Variants in WDHD1 observed in about 807,000 individuals in gnomAD.
WDHD1 encodes the protein WD repeat and HMG-box DNA-binding protein 1.
In WDHD1, 111 loss-of-function variants were observed where a neutral mutation model predicts 135.4. The ratio of observed to expected loss-of-function variants is 0.82; its 90% confidence interval spans 0.70 to 0.96. The LOEUF (loss-of-function observed/expected upper bound fraction) is 0.96. Among genes scored for constraint, WDHD1 ranks in the 40% least tolerant of loss-of-function variants. WDHD1 has a pLI of 0.00. For missense variants in WDHD1, 1,351 were observed against 1,336.3 expected (o/e 1.01, Z -0.17); for synonymous variants, 434 against 439.0 (o/e 0.99, Z 0.14).
rs904002557 is a variant in WDHD1 at position 54,966,753 on chromosome 14, G to A, written c.2179-147C>T. ...AGTTTATTTTACAATTTAAATTCTA[G>A]TGTGATACTACAGCTTAACTTTTTC... On this transcript the variant is annotated intron_variant, in intron 17 of 25. Transcript: ENST00000360586. The A allele has an allele frequency of 4.1e-6, 4 of 982,046 alleles. No individual in the cohort carries two copies. The African/African-American group carries it at 5.1e-5, about 12-fold the overall frequency. The allele number at this position is 982,046 out of a possible 1,614,324, so 60.8% of individuals were successfully genotyped here. A position where few individuals can be genotyped will look rare whatever the true frequency, so the allele number is the denominator to read the frequency against.
chr14:55,011,322 G>A (rs1281956921), intron 3 of WDHD1, among the ~76,000 whole-genome samples: 1 of 152,038 alleles, frequency 6.6e-6, no homozygotes, highest in East Asian at 1.9e-4. Context: ...GTGAGGTCAG[G>A]AGTTCGAGAC....
intron 2 of WDHD1, among the ~76,000 whole-genome samples, chr14:55,021,441 G>C (rs959272725): frequency 5.4e-4 from 74 of 137,810 alleles, no homozygotes; most frequent in Non-Finnish European, 9.7e-4. Flanking sequence ...GTTTTGCTTT[G>C]TTGGCCAGCC....
At chr14:55,005,473 G>A (rs2042050525) in intron 7 of WDHD1, 2 of 565,526 alleles carry the variant, frequency 3.5e-6, no homozygotes, top group Admixed American at 3.9e-5. Context: ...CACTGACATT[G>A]AAAGAGTTTT....
intron 21 of WDHD1, among the ~76,000 whole-genome samples, chr14:54,958,110 C>T (rs775267826): frequency 5.6e-4 from 85 of 151,754 alleles, no homozygotes; most frequent in Non-Finnish European, 9.9e-4. Flanking sequence ...CATTTTCTCT[C>T]GCCTCCTCCA....
chr14:54,946,185 A>C (rs956809407), intron 24 of WDHD1, among the ~76,000 whole-genome samples: 10 of 152,186 alleles, frequency 6.6e-5, no homozygotes, highest in Non-Finnish European at 1.2e-4. Context: ...CTAAACAGCT[A>C]TTTTTAAAAA....
In WDHD1 at chr14:54,987,313, T is replaced by A; in HGVS notation, c.1601A>T (p.Asp534Val). The A allele has an allele frequency of 6.2e-7, 1 of 1,614,082 alleles. No homozygotes were observed. ...EWIIDLPQNE[D>V]IEAICLGQGW... ...TTGACCGAGACATATGGCTTCAATA[T>A]CCTCATTCTGAGGCAAGTCTATTAT... Residue 534 changes from aspartate to valine, a missense_variant, in exon 14 of 26, where the codon GAT (aspartate) becomes GTT (valine). This residue lies in a region of WDHD1 where 1,330 missense variants were observed against 1,296.1 expected (regional missense o/e 1.03). Coordinates refer to ENST00000360586, the MANE Select transcript of WDHD1 (RefSeq NM_007086.4).
Position 54,948,872 on chromosome 14 carries a change from G to A in WDHD1, c.3051-4402C>T, listed in dbSNP as rs147580551. ...CAATATTTGCTGTTCTGCAGCCTCCGCTGCTGATACCCAGGCAGAGTCTGG... is the reference window on the plus strand; with the variant it reads ...CAATATTTGCTGTTCTGCAGCCTCCACTGCTGATACCCAGGCAGAGTCTGG... On this transcript the variant is annotated intron_variant, in intron 24 of 25. Coordinates refer to ENST00000360586, the MANE Select transcript of WDHD1 (RefSeq NM_007086.4). 3.4e-3 allele frequency among the ~76,000 whole-genome samples: 519 copies of A among 152,296 alleles called. 17 individuals are homozygous for A. The East Asian group carries it at 0.068, about 20-fold the overall frequency.
intron 3 of WDHD1, among the ~76,000 whole-genome samples, chr14:55,012,905 T>C (rs993183189): frequency 2.6e-5 from 4 of 152,136 alleles, no homozygotes; most frequent in African/African-American, 9.7e-5. Flanking sequence ...CACATGCTTT[T>C]AGGGGAACAC....
rs760509829 is a variant in WDHD1 at position 54,981,645 on chromosome 14, C to T, written c.1958G>A (p.Gly653Glu). 1.2e-5 allele frequency: 20 copies of T among 1,611,892 alleles called. No individual in the cohort carries two copies. The highest frequency in any genetic ancestry group is 1.6e-5 in the Non-Finnish European group (19 of 1,178,146). ...SEGIVRMLNR[G>E]LGNTWTPICN... ...TATAGGAGTCCACGTATTACCAAGT[C>T]CTCTGTTAAGCATTCGAACAATTCC... Residue 653 changes from glycine (G) to glutamate (E), a missense_variant, in exon 16 of 26, where the codon GGA (glycine) becomes GAA (glutamate). Transcript: ENST00000360586.
At chr14:54,992,701 G>A (rs1176098180) in intron 11 of WDHD1, among the ~76,000 whole-genome samples, 1 of 151,986 alleles carries the variant, frequency 6.6e-6, no homozygotes, top group African/African-American at 2.4e-5. Flanking sequence ...TATCACTTGA[G>A]GCCAGGATTT....
At chr14:54,998,573 C>T (rs2041925204) in intron 10 of WDHD1, among the ~76,000 whole-genome samples, 1 of 152,206 alleles carries the variant, frequency 6.6e-6, no homozygotes, top group Non-Finnish European at 1.5e-5. Flanking sequence ...ATCCTTCCAG[C>T]TCTTTTAGTT....
At chr14:55,006,453 T>G (rs1182668139) in intron 7 of WDHD1, among the ~76,000 whole-genome samples, 2 of 152,224 alleles carry the variant, frequency 1.3e-5, no homozygotes, top group East Asian at 1.9e-4. Flanking sequence ...CCTGTATTTG[T>G]ATAACAATCC....
At chr14:55,021,384 C>T (rs1245179669) in intron 2 of WDHD1, among the ~76,000 whole-genome samples, 3 of 151,400 alleles carry the variant, frequency 2.0e-5, no homozygotes, top group Non-Finnish European at 2.9e-5. Flanking sequence ...GCTAACTCTT[C>T]GGTTTAGTGT....
chr14:54,941,449 TA>T lies in WDHD1; in HGVS notation c.*40del, dbSNP rs760341113. Reference sequence around the variant, plus strand: ...ACTCGAGTCTATATTCAAAGATGAGTAAAAAAAAATCCATTACTTCCCTAGG... The same window carrying T: ...ACTCGAGTCTATATTCAAAGATGAGTAAAAAAAATCCATTACTTCCCTAGG... On this transcript the variant is annotated 3_prime_UTR_variant, in exon 26 of 26. Coordinates refer to ENST00000360586, the MANE Select transcript of WDHD1 (RefSeq NM_007086.4). The T allele has an allele frequency of 1.2e-4, 177 of 1,509,908 alleles. No individual in the cohort carries two copies. In the Middle Eastern group the frequency reaches 1.5e-3, roughly 12 times the overall value. 93.5% of individuals were successfully genotyped at this position (1,509,908 alleles called of 1,614,324 possible).
chr14:54,978,784 C>T (rs972938522), intron 16 of WDHD1, among the ~76,000 whole-genome samples: 4 of 152,160 alleles, frequency 2.6e-5, no homozygotes, highest in African/African-American at 9.7e-5. Context: ...ACAATGCCAA[C>T]CACTGTCTCC....
chr14:54,993,599 TTACA>T (rs1278942850), intron 11 of WDHD1, among the ~76,000 whole-genome samples: 4 of 152,222 alleles, frequency 2.6e-5, no homozygotes, highest in Non-Finnish European at 4.4e-5. Flanking sequence ...CCTTTTCAAA[TTACA>T]TATTTATGTG....
chr14:54,994,687 G>A (rs2041848147), intron 11 of WDHD1, among the ~76,000 whole-genome samples: 1 of 151,614 alleles, frequency 6.6e-6, no homozygotes, highest in Non-Finnish European at 1.5e-5. Flanking sequence ...CTTGAATCCA[G>A]GAGGCGGAGG....
At position 54,997,898 on chromosome 14, in the gene WDHD1, C is replaced by T. The variant is rs982200922; in HGVS notation, c.943-2085G>A. Among the ~76,000 whole-genome samples the T allele has an allele frequency of 1.0e-4, 13 of 128,312 alleles. No individual in the cohort carries two copies. The South Asian group carries it at 1.2e-3, about 12-fold the overall frequency. The allele number at this position is 128,312 out of a possible 152,430, so 84.2% of individuals were successfully genotyped here. A position where few individuals can be genotyped will look rare whatever the true frequency, so the allele number is the denominator to read the frequency against. ...TGCACTCCAGCTTGGGCAACAAGAGCGGAACTCCGTCTCAAAAAAAAAAAA... is the reference window on the plus strand; with the variant it reads ...TGCACTCCAGCTTGGGCAACAAGAGTGGAACTCCGTCTCAAAAAAAAAAAA... On this transcript the variant is annotated intron_variant, in intron 10 of 25. Coordinates refer to ENST00000360586, the MANE Select transcript of WDHD1 (RefSeq NM_007086.4).
intron 10 of WDHD1, among the ~76,000 whole-genome samples, chr14:54,997,681 G>A (rs529217600): frequency 2.6e-5 from 4 of 151,954 alleles, no homozygotes; most frequent in South Asian, 4.2e-4. Flanking sequence ...GGGAGGCCGA[G>A]GTGGGCAGAT....
Sources: allele counts gnomAD v4.1 joint callset (sites outside exome capture counted in the v4.1 genomes callset), GRCh38; gene constraint gnomAD v4.1.1; regional missense constraint gnomAD v4.1.1; transcripts MANE v1.5; gene names NCBI Gene and HGNC (gene_info 2026-07-23, HGNC 2026-07-21).